Variants in ATP13A4 observed in about 807,000 individuals in gnomAD.
ATP13A4 encodes ATPase 13A4.
ATP13A4 carries 114 observed loss-of-function variants against 142.5 expected under a neutral mutation model. The ratio of observed to expected loss-of-function variants is 0.80; its 90% confidence interval spans 0.69 to 0.93. ATP13A4 has a LOEUF of 0.93. ATP13A4 is among the 40% of genes least tolerant of loss of function. The probability of loss-of-function intolerance (pLI) is 0.00; values close to 1 mark genes in which losing one functional copy is unlikely to be tolerated. For synonymous variants in ATP13A4, 488 were observed against 514.8 expected (o/e 0.95, Z 0.70); for missense variants, 1,392 against 1,454.0 (o/e 0.96, Z 0.69).
At chr3:193,417,880 T>G in intron 25 of ATP13A4, among the ~76,000 whole-genome samples, 1 of 145,778 alleles carries the variant, frequency 6.9e-6, no homozygotes, top group Non-Finnish European at 1.5e-5. Context: ...CCCAGCACTT[T>G]GGGAGGCCAA....
rs567676917 is a variant in ATP13A4, at chr3:193,402,419, C to G, written c.*233G>C. 9.9e-6 allele frequency: 5 copies of G among 502,592 alleles called. No individual in the cohort carries two copies. In the Admixed American group the frequency reaches 1.4e-4, roughly 14 times the overall value. 31.1% of individuals were successfully genotyped at this position (502,592 alleles called of 1,614,324 possible). A position where few individuals can be genotyped will look rare whatever the true frequency, so the allele number is the denominator to read the frequency against. On this transcript the variant is annotated 3_prime_UTR_variant, in exon 30 of 30. Transcript: ENST00000342695. ...ATAGAAATTCTTGGCCCATTCTTGC[C>G]TTCACTGAATGCCTCTAATACCTTC...
chr3:193,567,989 C>T (rs1004825612), intron 2 of ATP13A4, among the ~76,000 whole-genome samples: 3 of 151,332 alleles, frequency 2.0e-5, no homozygotes, highest in African/African-American at 7.3e-5. Flanking sequence ...GACGGAGTTT[C>T]ACTCTTATTG....
At chr3:193,533,773 A>C (rs1276102439) in intron 1 of ATP13A4, among the ~76,000 whole-genome samples, 1 of 152,196 alleles carries the variant, frequency 6.6e-6, no homozygotes, top group Non-Finnish European at 1.5e-5. Context: ...GACTGTAATG[A>C]GGTCTTTCAA....
chr3:193,482,928 C>T (rs879324852), intron 8 of ATP13A4, among the ~76,000 whole-genome samples: 6 of 152,104 alleles, frequency 3.9e-5, no homozygotes, highest in Non-Finnish European at 8.8e-5. Flanking sequence ...CATGTCTATA[C>T]ACGGCTTGTA....
rs372148531 is a variant in ATP13A4, at chr3:193,466,202, C to T, written c.1115-20G>A. 18 of 1,613,352 alleles carry T rather than the reference C, an allele frequency of 1.1e-5. No individual in the cohort carries two copies. In the South Asian group the frequency reaches 1.9e-4, roughly 17 times the overall value. ...TGAATCCTGGAACAACAAACACACACCCCACACTCTCAGGAGACCAACGCT... is the reference window on the plus strand; with the variant it reads ...TGAATCCTGGAACAACAAACACACATCCCACACTCTCAGGAGACCAACGCT... On this transcript the variant is annotated intron_variant, in intron 10 of 29. Coordinates refer to ENST00000342695, the MANE Select transcript of ATP13A4 (RefSeq NM_032279.4).
At chr3:193,510,514 C>A (rs1482121548) in intron 2 of ATP13A4, among the ~76,000 whole-genome samples, 5 of 152,118 alleles carry the variant, frequency 3.3e-5, no homozygotes, top group Admixed American at 6.5e-5. Flanking sequence ...GCATATAAAT[C>A]ATGTCATTTG....
intron 29 of ATP13A4, among the ~76,000 whole-genome samples, chr3:193,405,887 C>T (rs77422793): frequency 0.041 from 6,271 of 152,090 alleles, 196 homozygotes; most frequent in South Asian, 0.11. Context: ...CCTGTGATCA[C>T]GAACAGGGAT....
At chr3:193,524,170 TA>T (rs1216995820) in intron 1 of ATP13A4, among the ~76,000 whole-genome samples, 1 of 152,116 alleles carries the variant, frequency 6.6e-6, no homozygotes, top group East Asian at 1.9e-4. Context: ...AGACAATGAG[TA>T]AAGTGTTTTC....
Position 193,467,503 on chromosome 3 carries a change from T to A in ATP13A4, c.944-17A>T, listed in dbSNP as rs188442541. On this transcript the variant is annotated splice_polypyrimidine_tract_variant and intron_variant, in intron 9 of 29. Transcript: ENST00000342695. ...TACTTTCTCCTACAGAAAACAAGCA[T>A]CTTGTTTTGTGAGGCAGGATGGCTT... The A allele has an allele frequency of 8.7e-6, 14 of 1,610,962 alleles. No homozygotes were observed. In the African/African-American group the frequency reaches 1.6e-4, roughly 18 times the overall value.
chr3:193,467,481 T>C lies in ATP13A4; in HGVS notation c.949A>G (p.Ser317Gly), dbSNP rs1375143494. Reference sequence around the variant, plus strand: ...AACGGAGTTTTGGTGACTGGAATACTTTCTCCTACAGAAAACAAGCATCTT... The same window carrying C: ...AACGGAGTTTTGGTGACTGGAATACCTTCTCCTACAGAAAACAAGCATCTT... ...VVDEGMLTGE[S>G]IPVTKTPLPK... Residue 317 changes from serine to glycine, a missense_variant, in exon 10 of 30, where the codon AGT becomes GGT. Coordinates refer to ENST00000342695, the MANE Select transcript of ATP13A4 (RefSeq NM_032279.4). The C allele has an allele frequency of 3.1e-6, 5 of 1,613,194 alleles. No individual in the cohort carries two copies. The highest frequency in any genetic ancestry group is 4.2e-6 in the Non-Finnish European group (5 of 1,179,884).
chr3:193,589,210 T>G (rs1724721087), intron 1 of ATP13A4, among the ~76,000 whole-genome samples: 1 of 152,086 alleles, frequency 6.6e-6, no homozygotes, highest in Non-Finnish European at 1.5e-5. Context: ...ATAATTTGTG[T>G]GTGTATATAT....
rs566660322 is a variant in ATP13A4 at position 193,543,167 on chromosome 3, CA to C, written c.60+11572del. Among the ~76,000 whole-genome samples the C allele has an allele frequency of 3.0e-3, 345 of 115,056 alleles. 4 individuals are homozygous for C. Among genetic ancestry groups the C allele is most frequent in the African/African-American group, 3.9e-3 (118 of 29,972 alleles). 75.5% of individuals were successfully genotyped at this position (115,056 alleles called of 152,430 possible). On this transcript the variant is annotated intron_variant, in intron 1 of 29. Transcript: ENST00000342695. ...TGGGCAACAGAGCAAGACTCCATCT[CA>C]AAAAAAAAAAAGCCTAGAAGAAAAT...
At chr3:193,452,962 G>T (rs1717372230) in intron 17 of ATP13A4, among the ~76,000 whole-genome samples, 1 of 151,690 alleles carries the variant, frequency 6.6e-6, no homozygotes, top group South Asian at 2.1e-4. Flanking sequence ...GTTTTTTTCA[G>T]AGTTTTACCA....
intron 1 of ATP13A4, among the ~76,000 whole-genome samples, chr3:193,525,064 A>G (rs1205959439): frequency 2.0e-5 from 3 of 152,256 alleles, no homozygotes; most frequent in Admixed American, 1.3e-4. Context: ...TGTTCAAACT[A>G]TGCGTCAGGG....
intron 9 of ATP13A4, 44 bp downstream of exon 9, chr3:193,470,814 TG>T: frequency 1.9e-6 from 3 of 1,613,098 alleles, no homozygotes; most frequent in Non-Finnish European, 1.7e-6. Context: ...GCGTGGAGTG[TG>T]GGCCAGCCCA....
At chr3:193,464,033 C>G (rs1250752085) in intron 12 of ATP13A4, among the ~76,000 whole-genome samples, 1 of 152,140 alleles carries the variant, frequency 6.6e-6, no homozygotes, top group Non-Finnish European at 1.5e-5. Context: ...TGCCAGTGAA[C>G]AGTACACTTA....
chr3:193,520,562 G>T (rs991925928), intron 1 of ATP13A4, among the ~76,000 whole-genome samples: 3 of 152,106 alleles, frequency 2.0e-5, no homozygotes, highest in African/African-American at 7.2e-5. Flanking sequence ...CAAACCAAGG[G>T]CCTGCCCTGG....
chr3:193,415,723 T>C (rs1715024392), intron 25 of ATP13A4, among the ~76,000 whole-genome samples: 1 of 152,198 alleles, frequency 6.6e-6, no homozygotes, highest in Non-Finnish European at 1.5e-5. Flanking sequence ...TTGAAAACAT[T>C]ATTAGGCTAA....
At position 193,401,242 on chromosome 3, in the gene ATP13A4, A is replaced by C. The variant is rs1179356569; in HGVS notation, c.*1410T>G. On this transcript the variant is annotated 3_prime_UTR_variant, in exon 30 of 30. Coordinates refer to ENST00000342695, the MANE Select transcript of ATP13A4 (RefSeq NM_032279.4). ...AATTTTGCTTTTGCCTTAAAATATTATATGTAGGTGTGCTCCTAGAGTTCA... is the reference window on the plus strand; with the variant it reads ...AATTTTGCTTTTGCCTTAAAATATTCTATGTAGGTGTGCTCCTAGAGTTCA... Among the ~76,000 whole-genome samples, 1 of 152,186 alleles carries C rather than the reference A, an allele frequency of 6.6e-6. No individual in the cohort carries two copies. The highest frequency in any genetic ancestry group is 1.5e-5 in the Non-Finnish European group (1 of 68,032).
Sources: allele counts gnomAD v4.1 joint callset (sites outside exome capture counted in the v4.1 genomes callset), GRCh38; gene constraint gnomAD v4.1.1; transcripts MANE v1.5; gene names NCBI Gene and HGNC (gene_info 2026-07-23, HGNC 2026-07-21).